The following MDFIC2 variants were observed in gnomAD, a reference collection of about 807,000 sequenced individuals.
The protein encoded by MDFIC2 is myoD family inhibitor domain-containing protein 2.
At chr3:70,275,248 T>TA (rs1449346327) in intron 2 of MDFIC2, among the ~76,000 whole-genome samples, 2 of 152,118 alleles carry the variant, frequency 1.3e-5, no homozygotes, top group Non-Finnish European at 2.9e-5. Flanking sequence ...TTGGGCCGGG[T>TA]ACAGTGGCTT....
At chr3:70,206,824 C>T (rs1003405608) in intron 2 of MDFIC2, 34 bp from the exon 3 acceptor site, 2 of 397,068 alleles carry the variant, frequency 5.0e-6, no homozygotes. Context: ...ATACAGAAAC[C>T]CACTATGGTT....
At chr3:70,285,932 G>C (rs1377476935) in intron 2 of MDFIC2, among the ~76,000 whole-genome samples, 4 of 150,706 alleles carry the variant, frequency 2.7e-5, no homozygotes, top group Admixed American at 6.6e-5. Flanking sequence ...AAATTTGTTT[G>C]AGTTCATTGT....
chr3:70,274,090 T>C (rs949449727), intron 2 of MDFIC2, among the ~76,000 whole-genome samples: 5 of 145,062 alleles, frequency 3.4e-5, no homozygotes, highest in East Asian at 4.0e-4. Context: ...TGTGTGTGTG[T>C]GCGCGCGCGC....
chr3:70,263,014 A>G (rs891639043), intron 2 of MDFIC2, among the ~76,000 whole-genome samples: 1 of 152,060 alleles, frequency 6.6e-6, no homozygotes, highest in Non-Finnish European at 1.5e-5. Flanking sequence ...TAGGTATTGC[A>G]TTTCTCTAAA....
In MDFIC2 at chr3:70,195,295, CTT is replaced by C. The variant is rs1398077827; in HGVS notation, c.*1629_*1630del. On this transcript the variant is annotated 3_prime_UTR_variant, in exon 4 of 4. Transcript: ENST00000567252. ...TTCGAGCTTCTGAAAAGCAGAAAGA[CTT>C]TTTCATGGAAGGTGTGGGGCACTTT... Among the ~76,000 whole-genome samples, 4 of 152,042 alleles carry C rather than the reference CTT, an allele frequency of 2.6e-5. No homozygotes were observed. Among genetic ancestry groups the C allele is most frequent in the African/African-American group, 9.7e-5 (4 of 41,386 alleles).
intron 2 of MDFIC2, among the ~76,000 whole-genome samples, chr3:70,253,408 G>A (rs546567086): frequency 6.6e-6 from 1 of 152,328 alleles, no homozygotes; most frequent in Non-Finnish European, 1.5e-5. Flanking sequence ...AAGAGTTGTA[G>A]AATACCAGAG....
intron 2 of MDFIC2, among the ~76,000 whole-genome samples, chr3:70,225,043 A>G (rs1323633014): frequency 6.6e-6 from 1 of 152,192 alleles, no homozygotes; most frequent in Non-Finnish European, 1.5e-5. Context: ...CTGTTTGGAA[A>G]ATATATTTCT....
At chr3:70,227,148 A>T (rs1701515799) in intron 2 of MDFIC2, among the ~76,000 whole-genome samples, 1 of 152,230 alleles carries the variant, frequency 6.6e-6, no homozygotes, top group African/African-American at 2.4e-5. Context: ...AGGTTAAAGC[A>T]GGACTACAAC....
At chr3:70,227,476 G>A (rs899488250) in intron 2 of MDFIC2, among the ~76,000 whole-genome samples, 1 of 152,180 alleles carries the variant, frequency 6.6e-6, no homozygotes, top group Non-Finnish European at 1.5e-5. Flanking sequence ...GCAATATGGA[G>A]GTCATTGGAG....
intron 2 of MDFIC2, among the ~76,000 whole-genome samples, chr3:70,287,267 AG>A (rs1336788989): frequency 1.4e-5 from 2 of 140,676 alleles, no homozygotes; most frequent in African/African-American, 5.5e-5. Context: ...TTTAGCATGA[AG>A]GGTTGTTGAA....
chr3:70,298,113 G>A (rs1156817694), intron 2 of MDFIC2, among the ~76,000 whole-genome samples: 1 of 152,032 alleles, frequency 6.6e-6, no homozygotes, highest in Non-Finnish European at 1.5e-5. Flanking sequence ...TGGAGAGATG[G>A]TTTGACCAGA....
At chr3:70,256,694 G>C (rs11915338) in intron 2 of MDFIC2, among the ~76,000 whole-genome samples, 3,559 of 152,274 alleles carry the variant, frequency 0.023, 151 homozygotes, top group African/African-American at 0.081. Context: ...GTATGGGGAA[G>C]CAATGGAAAG....
At chr3:70,218,134 A>T (rs1027317112) in intron 2 of MDFIC2, among the ~76,000 whole-genome samples, 1 of 152,174 alleles carries the variant, frequency 6.6e-6, no homozygotes, top group Non-Finnish European at 1.5e-5. Context: ...TTGATAGTCC[A>T]CTTGGTGGAA....
intron 2 of MDFIC2, among the ~76,000 whole-genome samples, chr3:70,303,143 A>G (rs557879465): frequency 6.6e-6 from 1 of 152,328 alleles, no homozygotes; most frequent in African/African-American, 2.4e-5. Flanking sequence ...AGAAAATATT[A>G]TTCCTTGTGG....
chr3:70,300,580 T>C (rs961872284), intron 2 of MDFIC2, among the ~76,000 whole-genome samples: 2 of 152,024 alleles, frequency 1.3e-5, no homozygotes, highest in African/African-American at 4.8e-5. Context: ...TTTCAAAAAT[T>C]ATATTTGATT....
At chr3:70,253,378 G>C (rs925142442) in intron 2 of MDFIC2, among the ~76,000 whole-genome samples, 1 of 152,194 alleles carries the variant, frequency 6.6e-6, no homozygotes, top group Non-Finnish European at 1.5e-5. Flanking sequence ...GGGCTGAGTG[G>C]ATAAAGTAGA....
At chr3:70,273,117 A>G (rs996253973) in intron 2 of MDFIC2, among the ~76,000 whole-genome samples, 7 of 152,204 alleles carry the variant, frequency 4.6e-5, no homozygotes, top group Non-Finnish European at 8.8e-5. Context: ...CGTTACAAGG[A>G]AGATGAATAC....
intron 2 of MDFIC2, among the ~76,000 whole-genome samples, chr3:70,216,494 C>T (rs1027024166): frequency 1.3e-5 from 2 of 151,922 alleles, no homozygotes; most frequent in African/African-American, 2.4e-5. Flanking sequence ...AATAACTTAC[C>T]CAGAGTCACA....
At chr3:70,203,843 A>C (rs913219571) in intron 3 of MDFIC2, among the ~76,000 whole-genome samples, 3 of 152,088 alleles carry the variant, frequency 2.0e-5, no homozygotes, top group African/African-American at 7.2e-5. Flanking sequence ...TATATTTCTG[A>C]CTTTCTTATC....
Sources: gnomAD v4.1 joint callset for allele counts (sites outside exome capture counted in the v4.1 genomes callset) on GRCh38, gnomAD v4.1.1 for gene constraint, MANE v1.5 for transcripts, NCBI Gene and HGNC (gene_info 2026-07-23, HGNC 2026-07-21) for gene names.